Variants in MACROD2 observed in about 807,000 individuals in gnomAD.
MACROD2 encodes the protein mono-ADP ribosylhydrolase 2, also known as ADP-ribose glycohydrolase MACROD2.
A neutral mutation model predicts 70.4 loss-of-function variants in MACROD2; 36 were observed. The observed-to-expected ratio is 0.51, with a 90% CI of 0.39 to 0.68. MACROD2 has a LOEUF of 0.68. MACROD2 is among the 30% of genes least tolerant of loss of function. The pLI, the probability that MACROD2 is intolerant of heterozygous loss-of-function variation, is 0.00. For synonymous variants in MACROD2, 172 were observed against 178.8 expected, an observed-to-expected ratio of 0.96 and a Z score of 0.30; for missense variants, 496 against 538.4, an observed-to-expected ratio of 0.92 and a Z score of 0.78.
chr20:14,827,897 ATAGTC>A (rs2072920344), intron 5 of MACROD2, among the ~76,000 whole-genome samples: 1 of 152,172 alleles, frequency 6.6e-6, no homozygotes, highest in East Asian at 1.9e-4. Flanking sequence ...CTAATATCTA[ATAGTC>A]TCATATGAAG....
intron 8 of MACROD2, among the ~76,000 whole-genome samples, chr20:15,524,017 A>G (rs4372978): frequency 1.3e-5 from 2 of 152,226 alleles, no homozygotes; most frequent in Non-Finnish European, 2.9e-5. Flanking sequence ...TCCCTGCTGT[A>G]TGTACCTCGC....
At chr20:15,952,677 G>A (rs2065922548) in intron 12 of MACROD2, among the ~76,000 whole-genome samples, 1 of 152,084 alleles carries the variant, frequency 6.6e-6, no homozygotes, top group African/African-American at 2.4e-5. Context: ...TCTTTCCTGG[G>A]GGCTTCTCTC....
chr20:14,995,433 T>C (rs1265864024), intron 5 of MACROD2, among the ~76,000 whole-genome samples: 1 of 152,020 alleles, frequency 6.6e-6, no homozygotes, highest in East Asian at 1.9e-4. Flanking sequence ...CCCCACACTT[T>C]GGGAGGCTGA....
intron 6 of MACROD2, among the ~76,000 whole-genome samples, chr20:15,418,661 C>A (rs951586407): frequency 1.2e-4 from 19 of 152,116 alleles, no homozygotes; most frequent in Admixed American, 6.5e-5. Flanking sequence ...GACTCAAAGC[C>A]AAGGATCCAT....
intron 8 of MACROD2, among the ~76,000 whole-genome samples, chr20:15,759,617 C>G (rs1173689903): frequency 6.6e-6 from 1 of 152,218 alleles, no homozygotes; most frequent in Admixed American, 6.5e-5. Flanking sequence ...TTATGTGGGA[C>G]TCTACATGTG....
intron 3 of MACROD2, among the ~76,000 whole-genome samples, chr20:14,137,711 C>T (rs2054818189): frequency 6.6e-6 from 1 of 152,084 alleles, no homozygotes; most frequent in African/African-American, 2.4e-5. Flanking sequence ...ATCTCCATGA[C>T]ATTAGTTTTG....
intron 5 of MACROD2, among the ~76,000 whole-genome samples, chr20:15,182,432 A>G (rs903562353): frequency 7.9e-5 from 12 of 152,320 alleles, no homozygotes; most frequent in South Asian, 4.1e-4. Context: ...CCAGGAAACC[A>G]GCTAACAAGG....
chr20:15,754,204 C>T (rs115119219), intron 8 of MACROD2, among the ~76,000 whole-genome samples: 3,144 of 152,272 alleles, frequency 0.021, 108 homozygotes, highest in African/African-American at 0.071. Context: ...GATGTTTTCT[C>T]TACATGACTC....
At chr20:15,403,520 T>C (rs1012979542) in intron 6 of MACROD2, among the ~76,000 whole-genome samples, 3 of 151,898 alleles carry the variant, frequency 2.0e-5, no homozygotes, top group Non-Finnish European at 4.4e-5. Context: ...CCACTTTTAC[T>C]TCTTTGTTAA....
chr20:14,914,094 G>A (rs778480462), intron 5 of MACROD2, among the ~76,000 whole-genome samples: 16 of 152,164 alleles, frequency 1.1e-4, no homozygotes, highest in East Asian at 5.8e-4. Context: ...GGTTATTTCC[G>A]TTTCAGCTCT....
chr20:14,619,444 A>AAGGGAGAGGAGGGGAGG (rs1568702396), intron 4 of MACROD2, among the ~76,000 whole-genome samples: 1 of 4,332 alleles, frequency 2.3e-4, no homozygotes, highest in Non-Finnish European at 5.4e-4. Context: ...GGAGGGAGGG[A>AAGGGAGAGGAGGGGAGG]GGAAGGGAAG....
intron 2 of MACROD2, among the ~76,000 whole-genome samples, chr20:14,003,193 A>C (rs2052759223): frequency 6.6e-6 from 1 of 152,186 alleles, no homozygotes; most frequent in South Asian, 2.1e-4. Flanking sequence ...GATCGATGGA[A>C]CTACACCGGG....
chr20:14,112,305 C>G (rs1010568742), intron 3 of MACROD2, among the ~76,000 whole-genome samples: 32 of 151,828 alleles, frequency 2.1e-4, no homozygotes, highest in African/African-American at 7.3e-4. Flanking sequence ...TTTGATAGCA[C>G]AACAGAGTGA....
At position 15,136,055 on chromosome 20, in the gene MACROD2, T is replaced by C. The variant is rs1354185892; in HGVS notation, c.419-93885T>C. Among the ~76,000 whole-genome samples, 6 of 148,154 alleles carry C rather than the reference T, an allele frequency of 4.0e-5. No homozygotes were observed. In the East Asian group the frequency reaches 6.0e-4, roughly 15 times the overall value. ...AACTACCAACCACTGCTCAATGAAATAAAAGAGGATACAAACAAATGGAAG... is the reference window on the plus strand; with the variant it reads ...AACTACCAACCACTGCTCAATGAAACAAAAGAGGATACAAACAAATGGAAG... On this transcript the variant is annotated intron_variant, in intron 5 of 17. Transcript: ENST00000684519.
intron 5 of MACROD2, among the ~76,000 whole-genome samples, chr20:14,778,293 G>T (rs2072258240): frequency 6.6e-6 from 1 of 152,046 alleles, no homozygotes; most frequent in African/African-American, 2.4e-5. Flanking sequence ...CTCTGTCATT[G>T]CGCCCTGTCC....
At chr20:14,840,649 T>C (rs1170786529) in intron 5 of MACROD2, among the ~76,000 whole-genome samples, 1 of 152,080 alleles carries the variant, frequency 6.6e-6, no homozygotes, top group African/African-American at 2.4e-5. Flanking sequence ...ACATTAAAAC[T>C]AAAAGAAAAA....
At chr20:14,281,704 AGGCG>A (rs1231472276) in intron 3 of MACROD2, among the ~76,000 whole-genome samples, 2 of 152,216 alleles carry the variant, frequency 1.3e-5, no homozygotes, top group East Asian at 3.9e-4. Flanking sequence ...TGGGAGGACA[AGGCG>A]GGCGGATCAC....
At chr20:14,521,274 G>C (rs916070555) in intron 4 of MACROD2, among the ~76,000 whole-genome samples, 2 of 152,028 alleles carry the variant, frequency 1.3e-5, no homozygotes, top group African/African-American at 4.8e-5. Context: ...CCCTCTTGGG[G>C]GCCTCTTCCT....
At chr20:15,694,143 T>C (rs6110743) in intron 8 of MACROD2, among the ~76,000 whole-genome samples, 8,539 of 152,298 alleles carry the variant, frequency 0.056, 302 homozygotes, top group East Asian at 0.11. Flanking sequence ...GGTTGCACGG[T>C]TTTGCTGTTG....
Sources: allele counts gnomAD v4.1 joint callset (sites outside exome capture counted in the v4.1 genomes callset), GRCh38; gene constraint gnomAD v4.1.1; transcripts MANE v1.5; gene names NCBI Gene and HGNC (gene_info 2026-07-23, HGNC 2026-07-21).